PDIA5: variants seen among roughly 807,000 people sequenced by gnomAD.
PDIA5 encodes the protein protein disulfide-isomerase A5.
A neutral mutation model predicts 77.6 loss-of-function variants in PDIA5; 58 were observed. The ratio of observed to expected loss-of-function variants is 0.75; its 90% CI spans 0.61 to 0.93. The LOEUF is 0.93. PDIA5 is among the 40% of genes least tolerant of loss of function. The pLI is 0.00. For missense variants in PDIA5, 630 were observed against 647.7 expected (o/e 0.97, Z 0.30); for synonymous variants, 250 against 252.1 (o/e 0.99, Z 0.08).
intron 8 of PDIA5, among the ~76,000 whole-genome samples, chr3:123,116,978 G>T (rs1935010655): frequency 6.6e-6 from 1 of 151,686 alleles, no homozygotes; most frequent in South Asian, 2.1e-4. Flanking sequence ...GAGCAGCTGG[G>T]ATGGGGCGGG....
intron 1 of PDIA5, 48 bp downstream of exon 1, chr3:123,067,254 G>C: frequency 8.2e-7 from 1 of 1,225,018 alleles, no homozygotes; most frequent in Non-Finnish European, 1.0e-6. Context: ...CGTGTGTCCC[G>C]CGTGCCCTTC....
intron 1 of PDIA5, among the ~76,000 whole-genome samples, chr3:123,077,107 T>G (rs985430061): frequency 6.6e-6 from 1 of 152,198 alleles, no homozygotes; most frequent in African/African-American, 2.4e-5. Flanking sequence ...AAGATGTGTG[T>G]GGTTCTGGGA....
chr3:123,078,651 C>T (rs1933916777), intron 1 of PDIA5, among the ~76,000 whole-genome samples: 1 of 152,138 alleles, frequency 6.6e-6, no homozygotes, highest in East Asian at 1.9e-4. Context: ...TCTTATGTAA[C>T]CACAGTACAA....
In PDIA5 at chr3:123,161,392, C is replaced by T. The variant is rs1157918996; in HGVS notation, c.1416C>T (p.Gly472=). Residue 472 remains glycine, a synonymous_variant, in exon 16 of 17, where the codon GGC becomes GGT. Coordinates refer to ENST00000316218, the MANE Select transcript of PDIA5 (RefSeq NM_006810.4). ...TGTGCCAGCAGGAGGCGGTCAAGGG[C>T]TACCCCACTTTCCACTACTACCACT... ...QDLCQQEAVK[G]YPTFHYYHYG... The T allele has an allele frequency of 3.7e-6, 6 of 1,614,060 alleles. No individual in the cohort carries two copies. The highest frequency in any genetic ancestry group is 4.2e-6 in the Non-Finnish European group (5 of 1,180,014).
intron 15 of PDIA5, among the ~76,000 whole-genome samples, chr3:123,158,114 C>T (rs1387488348): frequency 6.6e-6 from 1 of 152,250 alleles, no homozygotes; most frequent in African/African-American, 2.4e-5. Flanking sequence ...TGTCCTTGAA[C>T]TCCCCACAGT....
At chr3:123,090,077 C>G (rs1262752872) in intron 2 of PDIA5, among the ~76,000 whole-genome samples, 2 of 152,206 alleles carry the variant, frequency 1.3e-5, no homozygotes, top group African/African-American at 4.8e-5. Context: ...CAAAGTTTTC[C>G]CCGGCAGCTC....
At chr3:123,106,932 G>A (rs1007505177) in intron 6 of PDIA5, 91 bp downstream of exon 6, 4 of 845,838 alleles carry the variant, frequency 4.7e-6, no homozygotes, top group South Asian at 4.5e-5. Flanking sequence ...ACTGAGAAAT[G>A]GGACTATTCC....
chr3:123,161,849 T>TTCTC lies in PDIA5; in HGVS notation c.1480-18_1480-15dup, dbSNP rs150845561. The TTCTC allele has an allele frequency of 5.2e-6, 7 of 1,334,788 alleles. No homozygotes were observed. The East Asian group carries it at 9.3e-5, about 18-fold the overall frequency. 82.7% of individuals were successfully genotyped at this position (1,334,788 alleles called of 1,614,324 possible). A position where few individuals can be genotyped will look rare whatever the true frequency, so the allele number is the denominator to read the frequency against. ...CAGCCAGCTCAGGGATTAAAGCTCT[T>TTCTC]TCTCTCTCTCTCTCTCCCACTTCCC... On this transcript the variant is annotated intron_variant, in intron 16 of 16. Coordinates refer to ENST00000316218, the MANE Select transcript of PDIA5 (RefSeq NM_006810.4).
intron 3 of PDIA5, among the ~76,000 whole-genome samples, chr3:123,099,912 G>C (rs1560512942): frequency 6.6e-6 from 1 of 152,260 alleles, no homozygotes; most frequent in Non-Finnish European, 1.5e-5. Flanking sequence ...CTCCTGTCCA[G>C]TTGCTGCCTT....
At chr3:123,127,203 T>C (rs1395102710) in intron 10 of PDIA5, among the ~76,000 whole-genome samples, 1 of 152,188 alleles carries the variant, frequency 6.6e-6, no homozygotes, top group Non-Finnish European at 1.5e-5. Flanking sequence ...ACCCTCCCAG[T>C]CCTAGAGAGC....
intron 7 of PDIA5, among the ~76,000 whole-genome samples, chr3:123,114,747 T>C (rs192350642): frequency 6.6e-6 from 1 of 152,316 alleles, no homozygotes; most frequent in Admixed American, 6.5e-5. Context: ...CGCACTGAGG[T>C]GGCAGGTCCT....
chr3:123,158,966 G>A (rs1015617598), intron 15 of PDIA5, among the ~76,000 whole-genome samples: 6 of 152,328 alleles, frequency 3.9e-5, no homozygotes, highest in Middle Eastern at 3.4e-3. Flanking sequence ...TGGAAAACGC[G>A]CGTGGATTCA....
intron 8 of PDIA5, among the ~76,000 whole-genome samples, chr3:123,121,194 C>T (rs2107953653): frequency 6.6e-6 from 1 of 152,340 alleles, no homozygotes; most frequent in Non-Finnish European, 1.5e-5. Flanking sequence ...TCTTTCTTTG[C>T]CTTGCCTCCA....
intron 1 of PDIA5, among the ~76,000 whole-genome samples, chr3:123,085,234 C>G (rs531916576): frequency 6.6e-6 from 1 of 152,168 alleles, no homozygotes; most frequent in African/African-American, 2.4e-5. Flanking sequence ...GCTTTCAATG[C>G]GCCAGGCCTT....
intron 10 of PDIA5, among the ~76,000 whole-genome samples, chr3:123,125,866 C>T (rs918627264): frequency 1.3e-5 from 2 of 152,208 alleles, no homozygotes; most frequent in Admixed American, 1.3e-4. Flanking sequence ...TGCCCATTAT[C>T]ATGTGTTCAT....
At chr3:123,080,768 A>G (rs1933978468) in intron 1 of PDIA5, among the ~76,000 whole-genome samples, 2 of 152,356 alleles carry the variant, frequency 1.3e-5, no homozygotes, top group South Asian at 4.1e-4. Context: ...TGTGTGTGCC[A>G]GAACACCCAG....
intron 1 of PDIA5, among the ~76,000 whole-genome samples, chr3:123,071,426 C>A (rs1933720425): frequency 6.6e-6 from 1 of 152,180 alleles, no homozygotes; most frequent in Non-Finnish European, 1.5e-5. Context: ...TTGTTCCTGG[C>A]ATCTCCTGTA....
chr3:123,146,074 A>G, intron 12 of PDIA5, 25 bp from the exon 13 acceptor site: 1 of 1,612,092 alleles, frequency 6.2e-7, no homozygotes, highest in Non-Finnish European at 8.5e-7. Context: ...GCTGTAATGC[A>G]TGGTTGGCCT....
chr3:123,114,618 CCGGTGCATTT>C (rs2107945873), intron 7 of PDIA5, among the ~76,000 whole-genome samples: 1 of 152,330 alleles, frequency 6.6e-6, no homozygotes, highest in Non-Finnish European at 1.5e-5. Flanking sequence ...TGTTTTCCAC[CCGGTGCATTT>C]CCCCCTGAGC....
Sources: allele counts gnomAD v4.1 joint callset (sites outside exome capture counted in the v4.1 genomes callset), GRCh38; gene constraint gnomAD v4.1.1; transcripts MANE v1.5; gene names NCBI Gene and HGNC (gene_info 2026-07-23, HGNC 2026-07-21).